Variants in FAT3 observed in about 807,000 individuals in gnomAD.
FAT3 encodes protocadherin Fat 3.
A neutral mutation model predicts 310.2 loss-of-function variants in FAT3; 95 were observed. The ratio of observed to expected loss-of-function variants is 0.31; its 90% confidence interval spans 0.26 to 0.36. The LOEUF (loss-of-function observed/expected upper bound fraction) is 0.36, where lower values mean the gene tolerates loss of function less well. Ranked by LOEUF, FAT3 falls within the 10% of genes least tolerant of loss-of-function variation. The pLI is 1.00. For missense variants in FAT3, 5,408 were observed against 5,715.6 expected (o/e 0.95, Z 1.74); for synonymous variants, 2,314 against 2,192.9 (o/e 1.06, Z -1.54).
intron 4 of FAT3, among the ~76,000 whole-genome samples, chr11:92,719,506 A>T (rs552993149): frequency 1.5e-4 from 16 of 104,498 alleles, no homozygotes; most frequent in African/African-American, 5.7e-4. Flanking sequence ...TGAAACCTGT[A>T]TTCTTTAAGT....
chr11:92,228,467 A>G lies in FAT3; in HGVS notation c.-18+3293A>G, dbSNP rs368535584. On this transcript the variant is annotated intron_variant, in intron 1 of 27. Transcript: ENST00000525166. ...GCTAGCCCACAGCCTTTGTAAAGCTATGGCTCTTCAGGCTGCTCACAGAAG... is the reference window on the plus strand; with the variant it reads ...GCTAGCCCACAGCCTTTGTAAAGCTGTGGCTCTTCAGGCTGCTCACAGAAG... Among the ~76,000 whole-genome samples the G allele has an allele frequency of 2.6e-5, 4 of 152,336 alleles. 1 individual carries two copies. Among genetic ancestry groups the G allele is most frequent in the African/African-American group, 7.2e-5 (3 of 41,580 alleles).
intron 1 of FAT3, among the ~76,000 whole-genome samples, chr11:92,347,965 TA>T (rs561170749): frequency 2.6e-4 from 39 of 152,058 alleles, no homozygotes; most frequent in Non-Finnish European, 5.4e-4. Context: ...ATATTATTTT[TA>T]AAAAAAACTT....
At chr11:92,477,711 A>G (rs1323322033) in intron 2 of FAT3, among the ~76,000 whole-genome samples, 3 of 152,228 alleles carry the variant, frequency 2.0e-5, no homozygotes, top group African/African-American at 7.2e-5. Flanking sequence ...AACAGCTGGT[A>G]CCTGACCCTA....
At chr11:92,416,041 C>A (rs567818690) in intron 2 of FAT3, among the ~76,000 whole-genome samples, 1 of 139,378 alleles carries the variant, frequency 7.2e-6, no homozygotes, top group Non-Finnish European at 1.5e-5. Flanking sequence ...CAGAGCCAAC[C>A]ATCTCCACAC....
At chr11:92,701,676 T>G (rs1944101412) in intron 4 of FAT3, among the ~76,000 whole-genome samples, 1 of 152,234 alleles carries the variant, frequency 6.6e-6, no homozygotes, top group Non-Finnish European at 1.5e-5. Context: ...ATAGTGGAGA[T>G]AGAAGACTAA....
At chr11:92,388,191 G>GT (rs929716499) in intron 2 of FAT3, among the ~76,000 whole-genome samples, 35 of 151,512 alleles carry the variant, frequency 2.3e-4, no homozygotes, top group African/African-American at 7.7e-4. Context: ...TATTTATATA[G>GT]TTTTTTTTTA....
intron 3 of FAT3, among the ~76,000 whole-genome samples, chr11:92,583,114 A>G (rs1938908539): frequency 6.6e-6 from 1 of 152,074 alleles, no homozygotes; most frequent in South Asian, 2.1e-4. Context: ...ATTTCTTACA[A>G]TAACATTAAA....
chr11:92,357,000 G>A lies in FAT3; in HGVS notation c.3292+1596G>A, dbSNP rs1021647364. 2.6e-5 allele frequency among the ~76,000 whole-genome samples: 4 copies of A among 152,066 alleles called. No homozygotes were observed. In the South Asian group the frequency reaches 6.2e-4, roughly 24 times the overall value. On this transcript the variant is annotated intron_variant, in intron 2 of 27. Coordinates refer to ENST00000525166, the MANE Select transcript of FAT3 (RefSeq NM_001367949.2). ...CTCCGTGGCTATAGTAGATTAAAAA[G>A]TCTATATTAGGAAATTTCACCCCTG... is the stretch of plus-strand genomic sequence containing the variant.
intron 1 of FAT3, among the ~76,000 whole-genome samples, chr11:92,321,492 T>A (rs933218761): frequency 6.6e-6 from 1 of 152,150 alleles, no homozygotes; most frequent in Non-Finnish European, 1.5e-5. Context: ...ATTATTAATT[T>A]ATTATTCTGA....
chr11:92,481,600 A>T (rs1417516035), intron 2 of FAT3, among the ~76,000 whole-genome samples: 2 of 152,224 alleles, frequency 1.3e-5, no homozygotes, highest in Non-Finnish European at 2.9e-5. Context: ...TCAGGATATT[A>T]AAAAGGAAAC....
chr11:92,364,428 C>T (rs1948961325), intron 2 of FAT3, among the ~76,000 whole-genome samples: 1 of 152,212 alleles, frequency 6.6e-6, no homozygotes, highest in African/African-American at 2.4e-5. Context: ...TTCATGACTT[C>T]AGATAGCTTG....
intron 4 of FAT3, among the ~76,000 whole-genome samples, chr11:92,705,292 G>A (rs945763669): frequency 6.6e-6 from 1 of 151,948 alleles, no homozygotes; most frequent in African/African-American, 2.4e-5. Flanking sequence ...ACAAGGAGTG[G>A]TGATGGTGGT....
chr11:92,488,023 T>C (rs1345909547), intron 2 of FAT3, among the ~76,000 whole-genome samples: 1 of 152,150 alleles, frequency 6.6e-6, no homozygotes, highest in Non-Finnish European at 1.5e-5. Flanking sequence ...GGTGATGGGG[T>C]GTCACCCTTA....
At chr11:92,888,601 T>TA (rs1949847248) in intron 25 of FAT3, among the ~76,000 whole-genome samples, 1 of 152,226 alleles carries the variant, frequency 6.6e-6, no homozygotes, top group Non-Finnish European at 1.5e-5. Context: ...AGACCACAGA[T>TA]ATCTCCTTCT....
chr11:92,800,218 A>G lies in FAT3; in HGVS notation c.7205A>G (p.Tyr2402Cys). The G allele has an allele frequency of 1.2e-6, 2 of 1,614,006 alleles. No homozygotes were observed. Among genetic ancestry groups the G allele is most frequent in the Non-Finnish European group, 1.7e-6 (2 of 1,179,870 alleles). ...TTTAATCAGCTCATTTATGAGTCAT[A>G]TGTGAGTGAATTAGCCCCCCGGGGC... The part of the protein sequence containing the change: ...PVFNQLIYES[Y>C]VSELAPRGHF... The change falls in exon 10 of 28, where the codon TAT becomes TGT. Residue 2402 changes from tyrosine to cysteine, a missense_variant. By Grantham distance (194) the Tyr-to-Cys change is radical. This residue lies in a region of FAT3 where 4,588 missense variants were observed against 4,809.8 expected (regional missense o/e 0.95). Coordinates refer to ENST00000525166, the MANE Select transcript of FAT3 (RefSeq NM_001367949.2).
intron 2 of FAT3, among the ~76,000 whole-genome samples, chr11:92,464,325 C>G (rs529193033): frequency 1.3e-5 from 2 of 152,266 alleles, no homozygotes; most frequent in South Asian, 4.1e-4. Context: ...CTCTGGGGGC[C>G]CACAGAGTAA....
At chr11:92,707,989 C>T (rs974156125) in intron 4 of FAT3, among the ~76,000 whole-genome samples, 4 of 152,204 alleles carry the variant, frequency 2.6e-5, no homozygotes, top group African/African-American at 9.7e-5. Context: ...TTCAAATGAG[C>T]TGTTGTTTCA....
intron 1 of FAT3, among the ~76,000 whole-genome samples, chr11:92,275,424 G>A (rs569206755): frequency 8.4e-4 from 127 of 151,496 alleles, no homozygotes; most frequent in Middle Eastern, 3.4e-3. Context: ...TTCTAAATGC[G>A]AACAGGCCTC....
At chr11:92,506,666 T>C (rs772267058) in intron 2 of FAT3, among the ~76,000 whole-genome samples, 3 of 152,156 alleles carry the variant, frequency 2.0e-5, no homozygotes, top group Non-Finnish European at 4.4e-5. Context: ...TATATGCATG[T>C]TATCTGCTTC....
Sources: gnomAD v4.1 joint callset for allele counts (sites outside exome capture counted in the v4.1 genomes callset) on GRCh38, gnomAD v4.1.1 for gene constraint, gnomAD v4.1.1 regional missense constraint, MANE v1.5 for transcripts, NCBI Gene and HGNC (gene_info 2026-07-23, HGNC 2026-07-21) for gene names.